The following WNK1 variants were observed in gnomAD, a reference collection of about 807,000 sequenced individuals.
The protein encoded by WNK1 is serine/threonine-protein kinase WNK1.
Under a neutral mutation model 222.8 loss-of-function variants are expected in WNK1, and 38 were observed. That is an observed-to-expected ratio of 0.17 (90% confidence interval 0.13 to 0.22). The LOEUF is 0.22. Ranked by LOEUF, WNK1 falls within the 10% of genes least tolerant of loss-of-function variation. The pLI is 1.00. For missense variants in WNK1, 2,348 were observed against 2,918.4 expected, an observed-to-expected ratio of 0.80 and a Z score of 4.50; for synonymous variants, 1,090 against 1,092.9, an observed-to-expected ratio of 1.00 and a Z score of 0.05.
Position 878,367 on chromosome 12 carries a change from C to T in WNK1, c.2373+6C>T, listed in dbSNP as rs78912501. On this transcript the variant is annotated splice_donor_region_variant and intron_variant, in intron 10 of 27. Coordinates refer to ENST00000315939, the MANE Select transcript of WNK1 (RefSeq NM_018979.4). ...AAGTATCAGCTGGAAAACAGGTAAA[C>T]TTTTTTTTTTTTTTTAAACAGGTAA... 4 of 1,463,758 alleles carry T rather than the reference C, an allele frequency of 2.7e-6. No homozygotes were observed. The highest frequency in any genetic ancestry group is 3.8e-6 in the Non-Finnish European group (4 of 1,064,674). 90.7% of individuals were successfully genotyped at this position (1,463,758 alleles called of 1,614,324 possible).
At chr12:857,619 TTGG>T (rs1950884485) in intron 5 of WNK1, among the ~76,000 whole-genome samples, 1 of 152,228 alleles carries the variant, frequency 6.6e-6, no homozygotes, top group Non-Finnish European at 1.5e-5. Flanking sequence ...AAATAAAACT[TTGG>T]CTCTTTAAAG....
At chr12:811,855 A>C (rs1946936928) in intron 1 of WNK1, among the ~76,000 whole-genome samples, 2 of 152,206 alleles carry the variant, frequency 1.3e-5, no homozygotes, top group Admixed American at 1.3e-4. Context: ...TCAAACATTA[A>C]GCAGGGGTTC....
At chr12:758,450 CA>C (rs1413954262) in intron 1 of WNK1, among the ~76,000 whole-genome samples, 1 of 117,332 alleles carries the variant, frequency 8.5e-6, no homozygotes, top group Non-Finnish European at 1.7e-5. Flanking sequence ...TGCAGTGGCG[CA>C]ATCTCGGCTC....
chr12:794,502 A>ATTTT (rs76061362), intron 1 of WNK1, among the ~76,000 whole-genome samples: 2 of 148,118 alleles, frequency 1.4e-5, no homozygotes, highest in African/African-American at 5.0e-5. Flanking sequence ...AGTTGGTTGA[A>ATTTT]TTTTTTTTTT....
chr12:783,977 G>T (rs6489748), intron 1 of WNK1, among the ~76,000 whole-genome samples: 7,413 of 25,022 alleles, frequency 0.3, 2,333 homozygotes, highest in East Asian at 0.63. Context: ...CCCAGCTACT[G>T]GGGAGGCTGA....
rs1231436981 is a variant in WNK1 at position 753,993 on chromosome 12, C to G, written c.428C>G (p.Pro143Arg). 6.3e-6 allele frequency: 10 copies of G among 1,591,642 alleles called. No individual in the cohort carries two copies. Among genetic ancestry groups the G allele is most frequent in the Middle Eastern group, 1.7e-4 (1 of 5,986 alleles). ...VAQQPPAAAA[P>R]GEQAVAGPAP... The stretch of plus-strand genomic sequence containing the variant: ...CAGCAGCCTCCAGCCGCTGCCGCCC[C>G]TGGGGAACAGGCCGTCGCGGGCCCT... The change falls in exon 1 of 28, where the codon CCT becomes CGT. Residue 143 changes from proline (P) to arginine (R), a missense_variant. By Grantham distance (103) the Pro-to-Arg change is moderately radical. Transcript: ENST00000315939. The surrounding 1 kb of genome is among the most constrained non-coding windows in gnomAD (Gnocchi z 5.2).
intron 1 of WNK1, among the ~76,000 whole-genome samples, chr12:783,939 T>A (rs1386888109): frequency 2.1e-5 from 2 of 93,768 alleles, no homozygotes; most frequent in Non-Finnish European, 4.3e-5. Context: ...AAAAAAATTA[T>A]CCAGGCACAG....
chr12:884,992 T>C lies in WNK1; in HGVS notation c.4188T>C (p.Gly1396=). 6.2e-7 allele frequency: 1 copy of C among 1,614,158 alleles called. No individual in the cohort carries two copies. Among genetic ancestry groups the C allele is most frequent in the Non-Finnish European group, 8.5e-7 (1 of 1,180,028 alleles). ...CCAGCACAGGTGTGGTAACTTCAGG[T>C]GGTCTCCCCATACCACCTGTGTCTG... The part of the protein sequence containing the change: ...VATSTGVVTS[G]GLPIPPVSES... Residue 1396 remains glycine, a synonymous_variant, in exon 19 of 28, where the codon GGT becomes GGC. Transcript: ENST00000315939. The surrounding 1 kb of genome is among the most constrained non-coding windows in gnomAD (Gnocchi z 5.6).
At position 908,453 on chromosome 12, in the gene WNK1, C is replaced by T. The variant is rs56133817; in HGVS notation, c.6832-22C>T. On this transcript the variant is annotated intron_variant, in intron 27 of 27. Coordinates refer to ENST00000315939, the MANE Select transcript of WNK1 (RefSeq NM_018979.4). ...ATACCATGGCCCACACCAGACTTGA[C>T]ACGTGGTGGTTTTGTTTTCAGGGCC... The T allele has an allele frequency of 7.6e-3, 12,298 of 1,613,768 alleles. 64 individuals carry two copies. Among genetic ancestry groups the T allele is most frequent in the Non-Finnish European group, 9.2e-3 (10,908 of 1,179,636 alleles).
intron 3 of WNK1, 127 bp from the exon 4 acceptor site, chr12:829,876 C>G: frequency 1.1e-6 from 1 of 951,210 alleles, no homozygotes; most frequent in Non-Finnish European, 1.7e-6. Context: ...TCTTTTCTCC[C>G]CCTTTCCTTT....
Position 753,061 on chromosome 12 carries a change from CCT to C in WNK1, c.-502_-501del, listed in dbSNP as rs918389630. 1 of 152,126 alleles carries C rather than the reference CCT, an allele frequency of 6.6e-6. No individual in the cohort carries two copies. The highest frequency in any genetic ancestry group is 1.5e-5 in the Non-Finnish European group (1 of 68,104). 9.4% of individuals were successfully genotyped at this position (152,126 alleles called of 1,614,324 possible). A position where few individuals can be genotyped will look rare whatever the true frequency, so the allele number is the denominator to read the frequency against. On this transcript the variant is annotated 5_prime_UTR_variant, in exon 1 of 28. Transcript: ENST00000315939. The surrounding 1 kb of genome is among the most constrained non-coding windows in gnomAD (Gnocchi z 5.2). ...CTCGCCCGCCTCGGCCCCTCCCACT[CCT>C]CTGCCCCGGGGCCGCCACCGCCCGG...
intron 9 of WNK1, among the ~76,000 whole-genome samples, chr12:875,589 C>T (rs1049273523): frequency 2.0e-5 from 3 of 151,566 alleles, no homozygotes; most frequent in African/African-American, 7.3e-5. Context: ...TTTAAGATGT[C>T]AATATAAGGG....
rs58943212 is a variant in WNK1, at chr12:902,814, A to G, written c.6643+2144A>G. ...TCTGATGAGTCAGTGCCTACCTGGC[A>G]CAGAACAGGTAGTCAATAACTGTTC... is the stretch of plus-strand genomic sequence containing the variant. On this transcript the variant is annotated intron_variant, in intron 26 of 27. Transcript: ENST00000315939. 4.3e-4 allele frequency among the ~76,000 whole-genome samples: 66 copies of G among 152,382 alleles called. 1 individual carries two copies. In the East Asian group the frequency reaches 0.012, roughly 28 times the overall value.
At chr12:788,336 T>G (rs1944512182) in intron 1 of WNK1, among the ~76,000 whole-genome samples, 3 of 152,062 alleles carry the variant, frequency 2.0e-5, no homozygotes, top group Admixed American at 2.0e-4. Flanking sequence ...AAAAAGCTAC[T>G]GTGTGTAATA....
intron 14 of WNK1, among the ~76,000 whole-genome samples, 163 bp downstream of exon 14, chr12:882,236 G>T (rs954253131): frequency 2.0e-5 from 3 of 151,626 alleles, no homozygotes; most frequent in Non-Finnish European, 2.9e-5. Context: ...TCGCTCTGTC[G>T]CCCAGGCTGG....
intron 8 of WNK1, chr12:865,503 G>A (rs2154069475): frequency 5.0e-6 from 6 of 1,203,630 alleles, no homozygotes; most frequent in Non-Finnish European, 5.6e-6. Flanking sequence ...AGTTATTCCT[G>A]TAGGAAACTT....
At position 884,028 on chromosome 12, in the gene WNK1, A is replaced by T; in HGVS notation, c.3722-93A>T. The T allele has an allele frequency of 6.3e-7, 1 of 1,576,254 alleles. No individual in the cohort carries two copies. The highest frequency in any genetic ancestry group is 1.1e-5 in the South Asian group (1 of 88,850). The stretch of plus-strand genomic sequence containing the variant: ...GGGTGAGAGAATGAGACCGTGCCTC[A>T]AAAAAAGCAGTTGTATGTGCCAATA... On this transcript the variant is annotated intron_variant, in intron 17 of 27. Transcript: ENST00000315939. This position sits in a 1 kb window ranked among gnomAD's most constrained non-coding sequence, Gnocchi z 5.6.
At chr12:826,909 C>T (rs936576796) in intron 2 of WNK1, 133 bp from the exon 3 acceptor site, 2 of 695,766 alleles carry the variant, frequency 2.9e-6, no homozygotes, top group Non-Finnish European at 4.9e-6. Flanking sequence ...TATTATTAAC[C>T]TTTAGTGTTA....
chr12:827,413 G>T lies in WNK1; in HGVS notation c.1153+151G>T. 1 of 685,618 alleles carries T rather than the reference G, an allele frequency of 1.5e-6. No individual in the cohort carries two copies. Among genetic ancestry groups the T allele is most frequent in the South Asian group, 1.7e-5 (1 of 58,700 alleles). 42.5% of individuals were successfully genotyped at this position (685,618 alleles called of 1,614,324 possible). A position where few individuals can be genotyped will look rare whatever the true frequency, so the allele number is the denominator to read the frequency against. ...GATCCATTGTACTTATGAGATATAG[G>T]ATTCTCTATATTTGTGCTTCTTGGA... On this transcript the variant is annotated intron_variant, in intron 3 of 27. Coordinates refer to ENST00000315939, the MANE Select transcript of WNK1 (RefSeq NM_018979.4). This position sits in a 1 kb window ranked among gnomAD's most constrained non-coding sequence, Gnocchi z 4.6.
Sources: gnomAD v4.1 joint callset for allele counts (sites outside exome capture counted in the v4.1 genomes callset) on GRCh38, gnomAD v4.1.1 for gene constraint, Gnocchi (gnomAD v3.1) non-coding constraint, MANE v1.5 for transcripts, NCBI Gene and HGNC (gene_info 2026-07-23, HGNC 2026-07-21) for gene names.